Variants in BRAF observed in about 807,000 individuals in gnomAD.
BRAF encodes the protein B-Raf proto-oncogene, serine/threonine kinase.
A neutral mutation model predicts 104.6 loss-of-function variants in BRAF; 16 were observed. That is an observed-to-expected ratio of 0.15 (90% CI 0.10 to 0.23). The LOEUF (loss-of-function observed/expected upper bound fraction) is 0.23, where lower values mean the gene tolerates loss of function less well. BRAF is among the 10% of genes least tolerant of loss of function. The pLI is 1.00. For synonymous variants in BRAF, 310 were observed against 341.6 expected, an observed-to-expected ratio of 0.91 and a Z score of 1.02; for missense variants, 541 against 937.3, an observed-to-expected ratio of 0.58 and a Z score of 5.52.
At chr7:140,756,160 A>G (rs1798188909) in intron 14 of BRAF, among the ~76,000 whole-genome samples, 1 of 152,208 alleles carries the variant, frequency 6.6e-6, no homozygotes, top group Non-Finnish European at 1.5e-5. Flanking sequence ...TTGGGGAACC[A>G]GTGATATACC....
intron 1 of BRAF, among the ~76,000 whole-genome samples, chr7:140,854,352 T>C (rs1004340684): frequency 2.0e-4 from 31 of 152,328 alleles, no homozygotes; most frequent in African/African-American, 7.0e-4. Context: ...TTTATTTTGG[T>C]GTCTTAGTCA....
chr7:140,846,769 A>C (rs1435154341), intron 2 of BRAF, among the ~76,000 whole-genome samples: 1 of 152,190 alleles, frequency 6.6e-6, no homozygotes, highest in Non-Finnish European at 1.5e-5. Flanking sequence ...CTCAGTGAGT[A>C]ATCAGTAGAT....
chr7:140,726,423 G>A lies in BRAF; in HGVS notation c.*71C>T. 1.3e-6 allele frequency: 2 copies of A among 1,529,628 alleles called. No individual in the cohort carries two copies. The highest frequency in any genetic ancestry group is 2.4e-5 in the East Asian group (1 of 40,858). 94.8% of individuals were successfully genotyped at this position (1,529,628 alleles called of 1,614,324 possible). A position where few individuals can be genotyped will look rare whatever the true frequency, so the allele number is the denominator to read the frequency against. On this transcript the variant is annotated 3_prime_UTR_variant, in exon 20 of 20. Coordinates refer to ENST00000644969, the MANE Select transcript of BRAF (RefSeq NM_001374258.1). Reference sequence around the variant, plus strand: ...AAAAAAAGATTTGAGGAACAGAACTGTGTTTTGATGTTAACAAATTGTACG... The same window carrying A: ...AAAAAAAGATTTGAGGAACAGAACTATGTTTTGATGTTAACAAATTGTACG...
chr7:140,838,034 C>G (rs1379981111), intron 2 of BRAF, among the ~76,000 whole-genome samples: 1 of 152,158 alleles, frequency 6.6e-6, no homozygotes, highest in Non-Finnish European at 1.5e-5. Context: ...GAGCAAGCCA[C>G]TCCAACATAT....
chr7:140,801,678 C>G, intron 5 of BRAF, 118 bp from the exon 6 acceptor site: 1 of 1,134,316 alleles, frequency 8.8e-7, no homozygotes, highest in African/African-American at 1.6e-5. Context: ...TCATGAAACT[C>G]ACATACTAAA....
chr7:140,806,928 A>G (rs1464317155), intron 5 of BRAF, among the ~76,000 whole-genome samples: 3 of 152,196 alleles, frequency 2.0e-5, no homozygotes, highest in South Asian at 2.1e-4. Context: ...ACCAAGACAC[A>G]TGGGAAAACA....
At chr7:140,727,898 C>T (rs373557569) in intron 19 of BRAF, among the ~76,000 whole-genome samples, 2 of 152,240 alleles carry the variant, frequency 1.3e-5, no homozygotes, top group African/African-American at 2.4e-5. Context: ...TGGGATTACA[C>T]GCATGAGCCA....
At chr7:140,781,474 G>A (rs1428715701) in intron 12 of BRAF, 102 bp downstream of exon 11, 2 of 1,140,154 alleles carry the variant, frequency 1.8e-6, no homozygotes, top group Non-Finnish European at 2.6e-6. Flanking sequence ...GTTTATTGAT[G>A]CGAACAGTGA....
intron 1 of BRAF, among the ~76,000 whole-genome samples, chr7:140,875,005 T>C (rs907785242): frequency 1.3e-5 from 2 of 152,188 alleles, no homozygotes; most frequent in African/African-American, 4.8e-5. Context: ...GATTTTAAGT[T>C]TCCTGAGGCC....
intron 17 of BRAF, among the ~76,000 whole-genome samples, chr7:140,746,041 G>A (rs567059114): frequency 1.8e-4 from 27 of 152,148 alleles, no homozygotes; most frequent in East Asian, 1.7e-3. Context: ...TTAACACCCC[G>A]TAAATCTACT....
intron 1 of BRAF, among the ~76,000 whole-genome samples, chr7:140,919,071 C>T (rs922563144): frequency 2.0e-5 from 3 of 150,182 alleles, no homozygotes; most frequent in Admixed American, 6.7e-5. Flanking sequence ...GGCGTGAACC[C>T]GGGAGGCAGA....
intron 14 of BRAF, among the ~76,000 whole-genome samples, chr7:140,765,255 G>T (rs866387069): frequency 2.2e-4 from 33 of 152,234 alleles, no homozygotes; most frequent in Middle Eastern, 3.4e-3. Flanking sequence ...TATGTAGAAA[G>T]CTGAAACTGG....
rs529205544 is a variant in BRAF at position 140,919,837 on chromosome 7, T to G, written c.138+4729A>C. On this transcript the variant is annotated intron_variant, in intron 1 of 19. Transcript: ENST00000644969. ...CTACAAGCAAGTTTTTTTGTTTTTT[T>G]TTTGTTTGTTTGTTTGTTTGTTTTG... Among the ~76,000 whole-genome samples, 60 of 151,982 alleles carry G rather than the reference T, an allele frequency of 3.9e-4. No homozygotes were observed. In the East Asian group the frequency reaches 4.4e-3, roughly 11 times the overall value.
At chr7:140,872,663 T>A (rs1811746633) in intron 1 of BRAF, among the ~76,000 whole-genome samples, 1 of 151,998 alleles carries the variant, frequency 6.6e-6, no homozygotes. Flanking sequence ...GAGACCAACC[T>A]GGGCAACATA....
intron 2 of BRAF, among the ~76,000 whole-genome samples, chr7:140,847,248 T>C (rs866494634): frequency 1.3e-5 from 2 of 151,922 alleles, no homozygotes; most frequent in Middle Eastern, 3.4e-3. Flanking sequence ...CATTAAAATA[T>C]AAGCTTAAAA....
At chr7:140,854,195 T>C (rs1178365210) in intron 1 of BRAF, among the ~76,000 whole-genome samples, 1 of 152,090 alleles carries the variant, frequency 6.6e-6, no homozygotes, top group Non-Finnish European at 1.5e-5. Context: ...GATCTTTCCT[T>C]AGAGCATCCC....
intron 17 of BRAF, among the ~76,000 whole-genome samples, chr7:140,744,880 A>AAAATTTATGAATTAAAAAATTC (rs1797227924): frequency 1.3e-5 from 2 of 152,184 alleles, no homozygotes; most frequent in African/African-American, 4.8e-5. Flanking sequence ...ATTCAGAATT[A>AAAATTTATGAATTAAAAAATTC]AAAAATTAAT....
chr7:140,749,204 C>T lies in BRAF; in HGVS notation c.2112+83G>A, dbSNP rs574715135. On this transcript the variant is annotated intron_variant, in intron 17 of 19. Transcript: ENST00000644969. The stretch of plus-strand genomic sequence containing the variant: ...TCAAGAAATCTATCCTTCACGCTTA[C>T]CCAGGAGTTAACACTTATTTTCTAC... 6 of 1,573,872 alleles carry T rather than the reference C, an allele frequency of 3.8e-6. No individual in the cohort carries two copies. The South Asian group carries it at 4.5e-5, about 12-fold the overall frequency.
chr7:140,805,239 C>T (rs945651648), intron 5 of BRAF, among the ~76,000 whole-genome samples: 1 of 152,118 alleles, frequency 6.6e-6, no homozygotes, highest in Non-Finnish European at 1.5e-5. Context: ...AAAAGTGACT[C>T]TTATTTTCTT....
Sources: gnomAD v4.1 joint callset for allele counts (sites outside exome capture counted in the v4.1 genomes callset) on GRCh38, gnomAD v4.1.1 for gene constraint, MANE v1.5 for transcripts, NCBI Gene and HGNC (gene_info 2026-07-23, HGNC 2026-07-21) for gene names.